The following TNIK variants were observed in gnomAD, a reference collection of about 807,000 sequenced individuals.
TNIK encodes the protein TRAF2 and NCK-interacting protein kinase.
A neutral mutation model predicts 191.3 loss-of-function variants in TNIK; 49 were observed. That is an observed-to-expected ratio of 0.26 (90% confidence interval 0.20 to 0.32). The LOEUF is 0.32. TNIK is among the 10% of genes least tolerant of loss of function. The pLI is 1.00. For synonymous variants in TNIK, 594 were observed against 600.9 expected, an observed-to-expected ratio of 0.99 and a Z score of 0.17; for missense variants, 1,155 against 1,702.3, an observed-to-expected ratio of 0.68 and a Z score of 5.66.
At chr3:171,115,236 G>GT (rs1222234930) in intron 18 of TNIK, among the ~76,000 whole-genome samples, 1 of 152,202 alleles carries the variant, frequency 6.6e-6, no homozygotes, top group African/African-American at 2.4e-5. Context: ...TTCCCTGGTG[G>GT]TTGTGGTGTG....
rs558182444 is a variant in TNIK, at chr3:171,143,878, CACAG to C, written c.1222-3373_1222-3370del. 5.5e-4 allele frequency among the ~76,000 whole-genome samples: 83 copies of C among 152,228 alleles called. 2 individuals are homozygous for C. The highest frequency in any genetic ancestry group is 1.8e-3 in the African/African-American group (75 of 41,524). The stretch of plus-strand genomic sequence containing the variant: ...GGCTGGAACATTCTTTTATATTGAA[CACAG>C]ACAGAACTGGAGAATGTTCTTCTAA... On this transcript the variant is annotated intron_variant, in intron 12 of 32. Coordinates refer to ENST00000436636, the MANE Select transcript of TNIK (RefSeq NM_015028.4).
chr3:171,121,078 A>G (rs1473976735), intron 18 of TNIK, among the ~76,000 whole-genome samples: 1 of 152,198 alleles, frequency 6.6e-6, no homozygotes, highest in Non-Finnish European at 1.5e-5. Context: ...TACTGCATCC[A>G]TTTTAACTTT....
chr3:171,236,967 G>T (rs1744348605), intron 2 of TNIK, among the ~76,000 whole-genome samples: 1 of 152,152 alleles, frequency 6.6e-6, no homozygotes, highest in African/African-American at 2.4e-5. Context: ...ATAATAAAAA[G>T]GCAATGCTGC....
intron 23 of TNIK, among the ~76,000 whole-genome samples, chr3:171,089,253 CGTGTA>C (rs1010151639): frequency 3.9e-5 from 6 of 152,130 alleles, no homozygotes; most frequent in African/African-American, 1.4e-4. Flanking sequence ...CCATCAGTAG[CGTGTA>C]TTAGTGCCTA....
At chr3:171,082,980 G>A (rs1035330800) in intron 26 of TNIK, among the ~76,000 whole-genome samples, 3 of 152,168 alleles carry the variant, frequency 2.0e-5, no homozygotes, top group Admixed American at 6.6e-5. Context: ...GAGAGTCACA[G>A]ACATACTCAC....
chr3:171,373,199 C>G (rs1289743912), intron 1 of TNIK, among the ~76,000 whole-genome samples: 1 of 152,168 alleles, frequency 6.6e-6, no homozygotes, highest in East Asian at 1.9e-4. Context: ...CACCATGAAC[C>G]TCAATTTCTT....
At chr3:171,283,823 A>G (rs1005501761) in intron 2 of TNIK, among the ~76,000 whole-genome samples, 3 of 152,196 alleles carry the variant, frequency 2.0e-5, no homozygotes, top group African/African-American at 4.8e-5. Context: ...GCATGGGAAT[A>G]CAAGCAGAAC....
intron 5 of TNIK, among the ~76,000 whole-genome samples, chr3:171,191,430 G>T (rs959302402): frequency 6.6e-6 from 1 of 152,154 alleles, no homozygotes; most frequent in African/African-American, 2.4e-5. Flanking sequence ...TACAGACAGG[G>T]TTTCACCATG....
chr3:171,132,775 T>C (rs962920835), intron 15 of TNIK, among the ~76,000 whole-genome samples: 6 of 152,230 alleles, frequency 3.9e-5, no homozygotes, highest in Non-Finnish European at 7.3e-5. Flanking sequence ...CTATGTCATA[T>C]GGGTGCATTC....
intron 4 of TNIK, among the ~76,000 whole-genome samples, chr3:171,198,306 T>C (rs531083043): frequency 6.6e-6 from 1 of 151,406 alleles, no homozygotes; most frequent in Non-Finnish European, 1.5e-5. Flanking sequence ...CCATATATTG[T>C]ATGATTCCAT....
At chr3:171,119,207 G>T (rs1466165090) in intron 18 of TNIK, among the ~76,000 whole-genome samples, 1 of 152,162 alleles carries the variant, frequency 6.6e-6, no homozygotes, top group Non-Finnish European at 1.5e-5. Context: ...CATCATCACT[G>T]GCCATCAGAG....
intron 1 of TNIK, among the ~76,000 whole-genome samples, chr3:171,440,935 CA>C (rs1436125038): frequency 6.6e-6 from 1 of 152,142 alleles, no homozygotes; most frequent in East Asian, 1.9e-4. Flanking sequence ...CCTTTCTCTA[CA>C]GGAGGAATAA....
intron 2 of TNIK, among the ~76,000 whole-genome samples, chr3:171,319,694 T>C (rs1425129075): frequency 6.6e-6 from 1 of 152,188 alleles, no homozygotes; most frequent in East Asian, 1.9e-4. Flanking sequence ...AATTCCTTTA[T>C]AGCCTTACGT....
intron 1 of TNIK, among the ~76,000 whole-genome samples, chr3:171,426,336 A>G (rs917112556): frequency 1.4e-5 from 2 of 145,864 alleles, no homozygotes; most frequent in Non-Finnish European, 3.0e-5. Context: ...GTTCTCACTC[A>G]TAGGTGGGAA....
At chr3:171,187,552 A>G (rs1164437593) in intron 7 of TNIK, among the ~76,000 whole-genome samples, 5 of 152,218 alleles carry the variant, frequency 3.3e-5, no homozygotes, top group Non-Finnish European at 7.3e-5. Flanking sequence ...GTCGAGAACT[A>G]AAAATATTCC....
intron 1 of TNIK, among the ~76,000 whole-genome samples, chr3:171,418,254 C>G (rs919934133): frequency 2.0e-5 from 3 of 152,196 alleles, no homozygotes; most frequent in African/African-American, 7.2e-5. Context: ...TCTGCTACCT[C>G]TACGTATTTT....
At chr3:171,411,008 C>A (rs545981847) in intron 1 of TNIK, among the ~76,000 whole-genome samples, 200 of 152,086 alleles carry the variant, frequency 1.3e-3, no homozygotes, top group African/African-American at 4.7e-3. Flanking sequence ...GCAGAATGAG[C>A]CCCAGTGGAT....
chr3:171,187,539 C>A (rs1443633357), intron 7 of TNIK, among the ~76,000 whole-genome samples: 2 of 152,146 alleles, frequency 1.3e-5, no homozygotes, highest in Non-Finnish European at 2.9e-5. Flanking sequence ...AATAACCCCA[C>A]ATGTCGAGAA....
At chr3:171,212,655 C>A (rs553383155) in intron 3 of TNIK, among the ~76,000 whole-genome samples, 2 of 152,160 alleles carry the variant, frequency 1.3e-5, no homozygotes, top group African/African-American at 2.4e-5. Flanking sequence ...CCTTATCAGT[C>A]GGTAAGAACC....
Sources: gnomAD v4.1 joint callset for allele counts (sites outside exome capture counted in the v4.1 genomes callset) on GRCh38, gnomAD v4.1.1 for gene constraint, MANE v1.5 for transcripts, NCBI Gene and HGNC (gene_info 2026-07-23, HGNC 2026-07-21) for gene names.